MBNL1: variants seen among roughly 807,000 people sequenced by gnomAD.
MBNL1 encodes the protein muscleblind-like protein 1.
MBNL1 carries 8 observed loss-of-function variants against 42.2 expected under a neutral mutation model. The observed-to-expected ratio is 0.19, with a 90% CI of 0.11 to 0.34. The LOEUF (loss-of-function observed/expected upper bound fraction) is 0.34. Ranked by LOEUF, MBNL1 falls within the 10% of genes least tolerant of loss-of-function variation. The probability of loss-of-function intolerance (pLI) is 1.00; values close to 1 mark genes in which losing one functional copy is unlikely to be tolerated. For synonymous variants in MBNL1, 169 were observed against 173.9 expected (o/e 0.97, Z 0.22); for missense variants, 309 against 495.3 (o/e 0.62, Z 3.57).
At chr3:152,371,590 C>T (rs1161399638) in intron 2 of MBNL1, among the ~76,000 whole-genome samples, 2 of 152,152 alleles carry the variant, frequency 1.3e-5, no homozygotes, top group Non-Finnish European at 2.9e-5. Context: ...GAGTGAAACT[C>T]CATCTCACAC....
intron 2 of MBNL1, among the ~76,000 whole-genome samples, chr3:152,328,276 C>T (rs2081748660): frequency 6.6e-6 from 1 of 152,076 alleles, no homozygotes; most frequent in South Asian, 2.1e-4. Flanking sequence ...CCAAAGGATC[C>T]TGTGACTGAC....
At chr3:152,370,690 G>C (rs918438588) in intron 2 of MBNL1, among the ~76,000 whole-genome samples, 2 of 152,140 alleles carry the variant, frequency 1.3e-5, no homozygotes, top group African/African-American at 4.8e-5. Context: ...TCTGTATAGG[G>C]TGCCTATATA....
At chr3:152,419,183 G>A (rs1210016454) in intron 3 of MBNL1, among the ~76,000 whole-genome samples, 1 of 151,716 alleles carries the variant, frequency 6.6e-6, no homozygotes, top group Non-Finnish European at 1.5e-5. Flanking sequence ...AATGCAAAAT[G>A]ATCTTTTTTT....
chr3:152,381,331 A>G (rs1345569721), intron 2 of MBNL1, among the ~76,000 whole-genome samples: 1 of 152,010 alleles, frequency 6.6e-6, no homozygotes, highest in Non-Finnish European at 1.5e-5. Context: ...GAAAAAGCCC[A>G]TGGCATATTG....
intron 1 of MBNL1, among the ~76,000 whole-genome samples, chr3:152,277,481 G>A (rs899219837): frequency 6.6e-6 from 1 of 152,026 alleles, no homozygotes; most frequent in Non-Finnish European, 1.5e-5. Flanking sequence ...GCTATTTTAG[G>A]GAAGGTATCA....
intron 3 of MBNL1, among the ~76,000 whole-genome samples, chr3:152,430,619 A>C (rs1240306908): frequency 6.6e-6 from 1 of 151,868 alleles, no homozygotes; most frequent in Non-Finnish European, 1.5e-5. Flanking sequence ...ATATCCTTGA[A>C]TAGAAATCCA....
chr3:152,390,563 ACAAT>A lies in MBNL1; in HGVS notation c.175-24375_175-24372del, dbSNP rs549967701. ...TATAGTAAATAAGTAAACCAGTAGC[ACAAT>A]CATTTATTATCATGTATTTTGTACT... is the stretch of plus-strand genomic sequence containing the variant. On this transcript the variant is annotated intron_variant, in intron 2 of 9. Transcript: ENST00000324210. Among the ~76,000 whole-genome samples, 811 of 151,888 alleles carry A rather than the reference ACAAT, an allele frequency of 5.3e-3. 5 individuals are homozygous for A. Among genetic ancestry groups the A allele is most frequent in the Non-Finnish European group, 8.4e-3 (572 of 67,960 alleles).
intron 2 of MBNL1, among the ~76,000 whole-genome samples, chr3:152,319,463 G>A (rs1210546596): frequency 6.6e-6 from 1 of 151,984 alleles, no homozygotes; most frequent in Non-Finnish European, 1.5e-5. Flanking sequence ...TTAAATCACA[G>A]CAAAAACTAG....
intron 6 of MBNL1, among the ~76,000 whole-genome samples, chr3:152,454,124 G>A (rs1483143744): frequency 6.6e-6 from 1 of 152,126 alleles, no homozygotes; most frequent in Non-Finnish European, 1.5e-5. Flanking sequence ...TGACTCAGTA[G>A]TAGTAGCAAA....
intron 9 of MBNL1, among the ~76,000 whole-genome samples, chr3:152,460,719 CAT>C (rs768797089): frequency 3.4e-4 from 51 of 151,470 alleles, no homozygotes; most frequent in Non-Finnish European, 6.3e-4. Context: ...CAAGTTATAA[CAT>C]GTGCTCAGAT....
intron 3 of MBNL1, among the ~76,000 whole-genome samples, chr3:152,415,369 C>T (rs1191425823): frequency 6.6e-6 from 1 of 152,014 alleles, no homozygotes; most frequent in African/African-American, 2.4e-5. Context: ...AAATAAATCC[C>T]AAGACTGGCA....
intron 2 of MBNL1, among the ~76,000 whole-genome samples, chr3:152,329,088 GT>G (rs1381015633): frequency 6.6e-6 from 1 of 152,100 alleles, no homozygotes; most frequent in African/African-American, 2.4e-5. Context: ...AAAAAAGTAG[GT>G]AGGGGCAGGG....
intron 2 of MBNL1, among the ~76,000 whole-genome samples, chr3:152,383,799 A>G (rs1025535437): frequency 2.0e-5 from 3 of 152,012 alleles, no homozygotes; most frequent in Non-Finnish European, 2.9e-5. Context: ...CCTAGCAAAA[A>G]TGATTAATGT....
intron 6 of MBNL1, among the ~76,000 whole-genome samples, chr3:152,448,201 A>G (rs192176389): frequency 2.0e-5 from 3 of 152,240 alleles, no homozygotes; most frequent in Non-Finnish European, 4.4e-5. Context: ...TTTGTTTTCA[A>G]GGTCAAGAAT....
At chr3:152,303,582 C>G (rs1351032884) in intron 2 of MBNL1, among the ~76,000 whole-genome samples, 1 of 152,052 alleles carries the variant, frequency 6.6e-6, no homozygotes, top group Non-Finnish European at 1.5e-5. Context: ...CTGCAAGCCA[C>G]CATTAGAAAA....
At chr3:152,352,962 T>C (rs911803603) in intron 2 of MBNL1, among the ~76,000 whole-genome samples, 1 of 152,240 alleles carries the variant, frequency 6.6e-6, no homozygotes, top group Non-Finnish European at 1.5e-5. Flanking sequence ...CGTTATGAAA[T>C]GAACTTGTTT....
chr3:152,259,169 AG>A (rs1371998724), intron 2 of MBNL1, among the ~76,000 whole-genome samples: 1 of 152,248 alleles, frequency 6.6e-6, no homozygotes, highest in Admixed American at 6.5e-5. Flanking sequence ...AATGACAAGT[AG>A]GAAAGTGCTT....
intron 5 of MBNL1, among the ~76,000 whole-genome samples, chr3:152,445,812 AC>A (rs2099215737): frequency 6.6e-6 from 1 of 152,052 alleles, no homozygotes; most frequent in Admixed American, 6.6e-5. Context: ...GTAAAGAACC[AC>A]CTGTCTCCTT....
intron 2 of MBNL1, among the ~76,000 whole-genome samples, chr3:152,384,191 G>A (rs2097308431): frequency 6.6e-6 from 1 of 152,082 alleles, no homozygotes; most frequent in South Asian, 2.1e-4. Context: ...GATCCATGGA[G>A]GCAGAATGTA....
Sources: allele counts gnomAD v4.1 joint callset (sites outside exome capture counted in the v4.1 genomes callset), GRCh38; gene constraint gnomAD v4.1.1; transcripts MANE v1.5; gene names NCBI Gene and HGNC (gene_info 2026-07-23, HGNC 2026-07-21).